Variants in CPA3 observed in about 807,000 individuals in gnomAD.
The protein encoded by CPA3 is mast cell carboxypeptidase A.
A neutral mutation model predicts 55.8 loss-of-function variants in CPA3; 52 were observed. The ratio of observed to expected loss-of-function variants is 0.93; its 90% CI spans 0.75 to 1.17. The LOEUF is 1.17. Ranked by LOEUF, CPA3 falls within the 50% of genes most tolerant of loss-of-function variation. The pLI is 0.00. For synonymous variants in CPA3, 179 were observed against 171.2 expected (o/e 1.05, Z -0.36); for missense variants, 547 against 509.1 (o/e 1.07, Z -0.72).
chr3:148,881,741 A>G (rs547320367), intron 7 of CPA3, 109 bp downstream of exon 7: 8 of 496,302 alleles, frequency 1.6e-5, no homozygotes, highest in Admixed American at 4.1e-5. Context: ...TCTAATTCAG[A>G]AAAGTATATT....
chr3:148,896,389 A>C, intron 10 of CPA3, 131 bp from the exon 11 acceptor site: 1 of 652,254 alleles, frequency 1.5e-6, no homozygotes, highest in African/African-American at 1.8e-5. Flanking sequence ...TCAGACCACT[A>C]CTCTCATTCA....
At chr3:148,880,914 C>G (rs1435188000) in intron 6 of CPA3, among the ~76,000 whole-genome samples, 5 of 151,972 alleles carry the variant, frequency 3.3e-5, no homozygotes. Context: ...CACAGGTCTA[C>G]AAAAAATCTT....
Position 148,879,803 on chromosome 3 carries a change from G to A in CPA3, c.490G>A (p.Glu164Lys). 6.2e-7 allele frequency: 1 copy of A among 1,608,914 alleles called. No individual in the cohort carries two copies. Among genetic ancestry groups the A allele is most frequent in the Non-Finnish European group, 8.5e-7 (1 of 1,175,480 alleles). Residue 164 changes from glutamate (E) to lysine (K), a missense_variant, in exon 6 of 11, where the codon GAA becomes AAA. Physicochemically the swap from Glu to Lys is moderately conservative, Grantham distance 56 (BLOSUM62 1). Transcript: ENST00000296046. ...LYVLKIGEKN[E>K]RRKAIFTDCG... ...TTTTAAATAGATTGGGGAAAAGAAT[G>A]AAAGAAGAAAGGCTATTTTTACGGA...
intron 2 of CPA3, among the ~76,000 whole-genome samples, chr3:148,866,772 T>C (rs954867683): frequency 2.0e-5 from 3 of 152,106 alleles, no homozygotes; most frequent in African/African-American, 7.2e-5. Context: ...TTTGTTATTG[T>C]TTTTGTTTTG....
At chr3:148,893,385 A>T (rs759659500) in intron 10 of CPA3, among the ~76,000 whole-genome samples, 2 of 152,186 alleles carry the variant, frequency 1.3e-5, no homozygotes, top group Non-Finnish European at 2.9e-5. Context: ...TAACTTGAAC[A>T]ACAAAAAAAC....
In CPA3 at chr3:148,883,936, G is replaced by A. The variant is rs112970808; in HGVS notation, c.981+121G>A. On this transcript the variant is annotated intron_variant, in intron 9 of 10. Coordinates refer to ENST00000296046, the MANE Select transcript of CPA3 (RefSeq NM_001870.4). Reference sequence around the variant, plus strand: ...TTTAATGTCAAAGAAAAGAACTAATGAAATTTGCCTTGAAGTTAAAATCAT... The same window carrying A: ...TTTAATGTCAAAGAAAAGAACTAATAAAATTTGCCTTGAAGTTAAAATCAT... The A allele has an allele frequency of 1.9e-3, 1,349 of 728,646 alleles. 12 individuals are homozygous for A. In the African/African-American group the frequency reaches 0.02, roughly 11 times the overall value. 45.1% of individuals were successfully genotyped at this position (728,646 alleles called of 1,614,324 possible).
intron 3 of CPA3, among the ~76,000 whole-genome samples, chr3:148,876,719 GA>G (rs1267459218): frequency 1.3e-5 from 2 of 151,238 alleles, no homozygotes; most frequent in Non-Finnish European, 2.9e-5. Flanking sequence ...AAAATTTTTG[GA>G]AAAAAAGAAT....
chr3:148,882,382 G>T (rs1322048190), intron 7 of CPA3, 123 bp from the exon 8 acceptor site: 3 of 604,212 alleles, frequency 5.0e-6, no homozygotes, highest in Non-Finnish European at 8.7e-6. Flanking sequence ...ATAATAAAGG[G>T]CCTCAAGTTA....
chr3:148,886,789 C>CATGTAAGT (rs1714543092), intron 10 of CPA3, among the ~76,000 whole-genome samples: 1 of 152,174 alleles, frequency 6.6e-6, no homozygotes, highest in African/African-American at 2.4e-5. Context: ...GCCTTGTCTA[C>CATGTAAGT]ATGTAAGTAT....
At chr3:148,881,333 G>A (rs1714360127) in intron 6 of CPA3, 189 bp from the exon 7 acceptor site, 1 of 473,984 alleles carries the variant, frequency 2.1e-6, no homozygotes, top group Admixed American at 3.8e-5. Context: ...AATGTCACTA[G>A]TCTAAATAAG....
In CPA3 at chr3:148,882,210, T is replaced by C. The variant is rs980205799; in HGVS notation, c.688-295T>C. On this transcript the variant is annotated intron_variant, in intron 7 of 10. Transcript: ENST00000296046. ...GCTAATGAAGTTATAATTTAAATTA[T>C]GGTTAATTTCAGAACACCGTTAGTC... 3.3e-5 allele frequency among the ~76,000 whole-genome samples: 5 copies of C among 152,216 alleles called. 1 individual carries two copies. The highest frequency in any genetic ancestry group is 1.2e-4 in the African/African-American group (5 of 41,464).
chr3:148,881,721 A>G (rs560822417), intron 7 of CPA3, 89 bp downstream of exon 7: 54 of 610,608 alleles, frequency 8.8e-5, no homozygotes, highest in Non-Finnish European at 5.5e-5. Flanking sequence ...GGTTTAGGTA[A>G]CTAGTTAATT....
chr3:148,894,526 A>C (rs1389719721), intron 10 of CPA3, among the ~76,000 whole-genome samples: 1 of 152,112 alleles, frequency 6.6e-6, no homozygotes, highest in Non-Finnish European at 1.5e-5. Flanking sequence ...ACCTACACGC[A>C]CTAATTAAAG....
rs1047054734 is a variant in CPA3, at chr3:148,883,471, T to C, written c.779-142T>C. 2.6e-5 allele frequency: 17 copies of C among 644,570 alleles called. No homozygotes were observed. The African/African-American group carries it at 2.7e-4, about 10-fold the overall frequency. The allele number at this position is 644,570 out of a possible 1,614,324, so 39.9% of individuals were successfully genotyped here. A position where few individuals can be genotyped will look rare whatever the true frequency, so the allele number is the denominator to read the frequency against. On this transcript the variant is annotated intron_variant, in intron 8 of 10. Transcript: ENST00000296046. ...CAATGTTAATCTGTAGTGACTATGA[T>C]ACAAGAGACATTGAAGCAGCCCTGT...
chr3:148,875,205 C>T (rs1714173824), intron 3 of CPA3, among the ~76,000 whole-genome samples: 1 of 152,098 alleles, frequency 6.6e-6, no homozygotes, highest in Non-Finnish European at 1.5e-5. Context: ...AAAAAATAGA[C>T]TTCTTCCTGC....
chr3:148,883,746 T>A lies in CPA3; in HGVS notation c.912T>A (p.His304Gln), dbSNP rs369290033. Residue 304 changes from histidine to glutamine, a missense_variant, in exon 9 of 11, where the codon CAT (histidine) becomes CAA (glutamine). Physicochemically the swap from His to Gln is conservative, Grantham distance 24 (BLOSUM62 0). Coordinates refer to ENST00000296046, the MANE Select transcript of CPA3 (RefSeq NM_001870.4). Reference protein sequence around the residue: ...LNEIKVYITFHSYSQMLLFPY... With the variant: ...LNEIKVYITFQSYSQMLLFPY... ...AAATCAAGGTTTACATCACCTTCCA[T>A]TCCTACTCCCAGATGCTATTGTTTC... 3.1e-6 allele frequency: 5 copies of A among 1,614,110 alleles called. No individual in the cohort carries two copies. The highest frequency in any genetic ancestry group is 4.2e-6 in the Non-Finnish European group (5 of 1,179,968).
intron 3 of CPA3, among the ~76,000 whole-genome samples, chr3:148,877,106 T>G (rs1038447216): frequency 6.6e-6 from 1 of 152,142 alleles, no homozygotes; most frequent in Non-Finnish European, 1.5e-5. Flanking sequence ...AGCCTAGAGT[T>G]CAGAGGAGAG....
intron 6 of CPA3, among the ~76,000 whole-genome samples, chr3:148,880,138 A>G (rs1714321995): frequency 6.6e-6 from 1 of 152,218 alleles, no homozygotes; most frequent in Non-Finnish European, 1.5e-5. Context: ...GGGCTATCAC[A>G]TGAAAGTTTT....
chr3:148,883,516 A>T (rs1443421383), intron 8 of CPA3, 97 bp from the exon 9 acceptor site: 1 of 1,025,136 alleles, frequency 9.8e-7, no homozygotes, highest in African/African-American at 1.6e-5. Context: ...AGGCAAAAAC[A>T]TTTAAAACAT....
Sources: gnomAD v4.1 joint callset for allele counts (sites outside exome capture counted in the v4.1 genomes callset) on GRCh38, gnomAD v4.1.1 for gene constraint, MANE v1.5 for transcripts, NCBI Gene and HGNC (gene_info 2026-07-23, HGNC 2026-07-21) for gene names.